AIM2: variants seen among roughly 807,000 people sequenced by gnomAD.
AIM2 encodes interferon-inducible protein AIM2.
A neutral mutation model predicts 27.7 loss-of-function variants in AIM2; 30 were observed. The ratio of observed to expected loss-of-function variants is 1.08; its 90% confidence interval spans 0.81 to 1.47. The LOEUF is 1.47. AIM2 is among the 40% of genes most tolerant of loss of function. The probability of loss-of-function intolerance (pLI) is 0.00; values close to 1 mark genes in which losing one functional copy is unlikely to be tolerated. For synonymous variants in AIM2, 141 were observed against 145.3 expected (o/e 0.97, Z 0.21); for missense variants, 358 against 411.3 (o/e 0.87, Z 1.12).
chr1:159,111,760 C>T (rs1226098180), intron 1 of AIM2, among the ~76,000 whole-genome samples: 3 of 144,926 alleles, frequency 2.1e-5, no homozygotes, highest in African/African-American at 5.4e-5. Flanking sequence ...GCCAGGAGTT[C>T]GAGGCCTGGC....
intron 1 of AIM2, among the ~76,000 whole-genome samples, chr1:159,107,332 G>A (rs953832282): frequency 1.3e-4 from 17 of 134,250 alleles, no homozygotes; most frequent in South Asian, 1.1e-3. Flanking sequence ...GTGTGTGTGT[G>A]CGCGCACTAT....
At chr1:159,090,221 C>T (rs1026847729) in intron 1 of AIM2, among the ~76,000 whole-genome samples, 1 of 152,220 alleles carries the variant, frequency 6.6e-6, no homozygotes, top group Non-Finnish European at 1.5e-5. Context: ...CTCTAATAAA[C>T]TTCTTGCAGG....
intron 1 of AIM2, among the ~76,000 whole-genome samples, chr1:159,133,163 C>T (rs993370899): frequency 6.6e-6 from 1 of 151,722 alleles, no homozygotes; most frequent in African/African-American, 2.4e-5. Flanking sequence ...TATTTATGTA[C>T]TTGCTCTTGT....
At chr1:159,141,693 A>G (rs1045671461), upstream of AIM2, among the ~76,000 whole-genome samples, 1 of 152,054 alleles carries the variant, frequency 6.6e-6, no homozygotes, top group Admixed American at 6.5e-5. Flanking sequence ...ACCTCACCAC[A>G]CACACAGCAT....
chr1:159,091,231 CA>C (rs556387583), intron 1 of AIM2, among the ~76,000 whole-genome samples: 2 of 152,304 alleles, frequency 1.3e-5, no homozygotes, highest in Non-Finnish European at 2.9e-5. Context: ...ATAAAGGTTA[CA>C]TTTTTTATAT....
intron 1 of AIM2, among the ~76,000 whole-genome samples, chr1:159,087,204 GTC>G (rs1257158765): frequency 6.6e-6 from 1 of 152,100 alleles, no homozygotes; most frequent in Non-Finnish European, 1.5e-5. Flanking sequence ...CAACCCAACA[GTC>G]TCTACTTCTT....
At chr1:159,101,542 G>A (rs1657312291) in intron 1 of AIM2, among the ~76,000 whole-genome samples, 1 of 152,228 alleles carries the variant, frequency 6.6e-6, no homozygotes, top group Non-Finnish European at 1.5e-5. Context: ...GCAGAGGTTA[G>A]AACAGTTTGG....
chr1:159,122,801 C>T (rs1557912646), intron 1 of AIM2, among the ~76,000 whole-genome samples: 1 of 152,142 alleles, frequency 6.6e-6, no homozygotes. Context: ...ACTATTTTCA[C>T]GGTGACCCCA....
intron 1 of AIM2, among the ~76,000 whole-genome samples, chr1:159,131,925 A>G (rs1385068211): frequency 6.6e-6 from 1 of 152,212 alleles, no homozygotes; most frequent in Non-Finnish European, 1.5e-5. Flanking sequence ...GTATTTCACC[A>G]AAAGACCAAA....
intron 1 of AIM2, among the ~76,000 whole-genome samples, chr1:159,120,836 C>T (rs569804430): frequency 3.3e-5 from 5 of 152,150 alleles, no homozygotes; most frequent in Non-Finnish European, 7.3e-5. Context: ...TCCAGTCAAA[C>T]AGAAGCTCAA....
chr1:159,056,717 CAAAAAAAAAAAAAAA>C, the AIM2 span, among the ~76,000 whole-genome samples: 57 of 44,212 alleles, frequency 1.3e-3, 1 homozygote, highest in African/African-American at 3.2e-3. Context: ...GCCCAACCGG[CAAAAAAAAAAAAAAA>C]AAAAAAAAAA....
At chr1:159,097,860 C>G (rs1657212787) in intron 1 of AIM2, among the ~76,000 whole-genome samples, 1 of 152,182 alleles carries the variant, frequency 6.6e-6, no homozygotes, top group African/African-American at 2.4e-5. Context: ...ACTGAAACCA[C>G]TCAACCACAA....
intron 1 of AIM2, among the ~76,000 whole-genome samples, chr1:159,100,619 T>A (rs1657292188): frequency 1.3e-5 from 2 of 152,238 alleles, no homozygotes; most frequent in African/African-American, 2.4e-5. Flanking sequence ...GTCTAGAAAG[T>A]CTATAATGTT....
chr1:159,083,975 C>T (rs1656839740), intron 1 of AIM2, among the ~76,000 whole-genome samples: 1 of 152,182 alleles, frequency 6.6e-6, no homozygotes, highest in South Asian at 2.1e-4. Context: ...GCACACAGAG[C>T]TAACCTTTAC....
intron 1 of AIM2, among the ~76,000 whole-genome samples, chr1:159,113,995 TTC>T (rs1312075458): frequency 6.6e-6 from 1 of 152,214 alleles, no homozygotes; most frequent in Non-Finnish European, 1.5e-5. Context: ...ATCCTTAGCT[TTC>T]TGTTTCCTTT....
intron 1 of AIM2, among the ~76,000 whole-genome samples, chr1:159,075,481 C>T (rs569740281): frequency 1.3e-5 from 2 of 151,898 alleles, no homozygotes; most frequent in East Asian, 1.9e-4. Flanking sequence ...CGTGCACACA[C>T]ACACACTAAA....
intron 1 of AIM2, among the ~76,000 whole-genome samples, chr1:159,107,781 C>T (rs185387506): frequency 3.4e-4 from 51 of 152,138 alleles, no homozygotes; most frequent in African/African-American, 5.5e-4. Context: ...GACACCTTTA[C>T]GTGCATAAAC....
At chr1:159,060,202 TC>T (rs1258300652), downstream of AIM2, among the ~76,000 whole-genome samples, 1 of 152,208 alleles carries the variant, frequency 6.6e-6, no homozygotes, top group Non-Finnish European at 1.5e-5. Context: ...CTTAATCATA[TC>T]ATCATCACAT....
At chr1:159,088,105 A>G (rs1285467735) in intron 1 of AIM2, among the ~76,000 whole-genome samples, 1 of 152,160 alleles carries the variant, frequency 6.6e-6, no homozygotes, top group Non-Finnish European at 1.5e-5. Context: ...CATCGGGTGG[A>G]CAGAAAAAGA....
Sources: allele counts gnomAD v4.1 joint callset (sites outside exome capture counted in the v4.1 genomes callset), GRCh38; gene constraint gnomAD v4.1.1; transcripts MANE v1.5; gene names NCBI Gene and HGNC (gene_info 2026-07-23, HGNC 2026-07-21).